Variants in OBI1 observed in about 807,000 individuals in gnomAD.
OBI1 encodes the protein ORC ubiquitin ligase 1, also known as ring finger protein 219.
In OBI1, 59 loss-of-function variants were observed where a neutral mutation model predicts 62.4. The observed-to-expected ratio is 0.95, with a 90% confidence interval of 0.77 to 1.17. The LOEUF (loss-of-function observed/expected upper bound fraction) is 1.17, where lower values mean the gene tolerates loss of function less well. OBI1 is among the 50% of genes most tolerant of loss of function. The pLI is 0.00. For synonymous variants in OBI1, 302 were observed against 292.8 expected, an observed-to-expected ratio of 1.03 and a Z score of -0.32; for missense variants, 875 against 830.9, an observed-to-expected ratio of 1.05 and a Z score of -0.65.
intron 1 of OBI1, among the ~76,000 whole-genome samples, chr13:78,651,035 G>T (rs1198468837): frequency 1.3e-5 from 2 of 152,104 alleles, no homozygotes; most frequent in Non-Finnish European, 2.9e-5. Flanking sequence ...AATATTTTAT[G>T]TATCACTAAG....
chr13:78,656,738 G>A lies in OBI1; in HGVS notation c.72+2311C>T, dbSNP rs557269759. Among the ~76,000 whole-genome samples, 22 of 122,702 alleles carry A rather than the reference G, an allele frequency of 1.8e-4. 1 individual carries two copies. The highest frequency in any genetic ancestry group is 3.9e-4 in the Non-Finnish European group (22 of 57,092). 80.5% of individuals were successfully genotyped at this position (122,702 alleles called of 152,430 possible). A position where few individuals can be genotyped will look rare whatever the true frequency, so the allele number is the denominator to read the frequency against. On this transcript the variant is annotated intron_variant, in intron 1 of 5. Transcript: ENST00000282003. ...CTGCTTCCATGGTACCTGGGGGGGGGGGGGGAGGAGCCTGTTTAAAAATCC... is the reference window on the plus strand; with the variant it reads ...CTGCTTCCATGGTACCTGGGGGGGGAGGGGGAGGAGCCTGTTTAAAAATCC...
At chr13:78,647,428 A>T (rs190398000) in intron 1 of OBI1, among the ~76,000 whole-genome samples, 1 of 152,372 alleles carries the variant, frequency 6.6e-6, no homozygotes, top group Admixed American at 6.5e-5. Context: ...TCTTTACCCC[A>T]ATGAGATGTT....
At chr13:78,636,105 T>TA (rs887388818) in intron 4 of OBI1, among the ~76,000 whole-genome samples, 78 of 149,590 alleles carry the variant, frequency 5.2e-4, no homozygotes, top group African/African-American at 1.2e-3. Flanking sequence ...GTTCTTCGAT[T>TA]AAAAAAAAAA....
chr13:78,624,613 A>C (rs946011399), intron 5 of OBI1, among the ~76,000 whole-genome samples: 6 of 152,182 alleles, frequency 3.9e-5, no homozygotes, highest in African/African-American at 1.4e-4. Flanking sequence ...ATTTGTAGTT[A>C]AAAAACTGTG....
rs751477202 is a variant in OBI1, at chr13:78,615,631, TTTTC to T, written c.2126_2129del (p.Arg709LysfsTer55). ...TGGCACTGGAAAGGCTGCTCTGGAT[TTTTC>T]TTTTTGTTGATTGATTCACATTTTT... is the stretch of plus-strand genomic sequence containing the variant. On this transcript the variant is annotated frameshift_variant, in exon 6 of 6. Transcript: ENST00000282003. LOFTEE classifies it high-confidence loss of function. 2.5e-6 allele frequency: 4 copies of T among 1,613,692 alleles called. No individual in the cohort carries two copies. Among genetic ancestry groups the T allele is most frequent in the Non-Finnish European group, 3.4e-6 (4 of 1,179,858 alleles).
At position 78,616,256 on chromosome 13, in the gene OBI1, T is replaced by C. The variant is rs1875281551; in HGVS notation, c.1505A>G (p.Lys502Arg). Residue 502 changes from lysine (K) to arginine (R), a missense_variant, in exon 6 of 6, where the codon AAA becomes AGA. Physicochemically the swap from Lys to Arg is conservative, Grantham distance 26. Transcript: ENST00000282003. The part of the protein sequence containing the change: ...VGEISSKLSE[K>R]SGLCLSKRLN... ...CCTTTTGGATAAACATAAGCCTGAT[T>C]TCTCACTCAATTTTGAAGATATTTC... 3.1e-6 allele frequency: 5 copies of C among 1,613,712 alleles called. No homozygotes were observed. Among genetic ancestry groups the C allele is most frequent in the Non-Finnish European group, 4.2e-6 (5 of 1,179,714 alleles).
intron 1 of OBI1, among the ~76,000 whole-genome samples, chr13:78,645,673 C>T (rs998177541): frequency 7.3e-5 from 11 of 150,930 alleles, no homozygotes; most frequent in Admixed American, 5.3e-4. Context: ...TTTTTTGAGA[C>T]GGAGTCTCGC....
Position 78,631,583 on chromosome 13 carries a change from A to C in OBI1, c.638+3527T>G, listed in dbSNP as rs147357142. Among the ~76,000 whole-genome samples, 505 of 152,284 alleles carry C rather than the reference A, an allele frequency of 3.3e-3. 2 individuals are homozygous for C. The highest frequency in any genetic ancestry group is 0.011 in the African/African-American group (478 of 41,570). ...AGGAGTCCAAGTTAGGGGAAACTGAAGGGCCAAACAGGTGGTTTCCTCCAG... is the reference window on the plus strand; with the variant it reads ...AGGAGTCCAAGTTAGGGGAAACTGACGGGCCAAACAGGTGGTTTCCTCCAG... On this transcript the variant is annotated intron_variant, in intron 5 of 5. Transcript: ENST00000282003.
chr13:78,637,325 AT>A (rs1431039002), intron 4 of OBI1, among the ~76,000 whole-genome samples: 1 of 152,214 alleles, frequency 6.6e-6, no homozygotes, highest in East Asian at 1.9e-4. Flanking sequence ...ACCTACTAGC[AT>A]CACTAGGCAT....
rs1295047283 is a variant in OBI1 at position 78,614,553 on chromosome 13, A to G, written c.*1027T>C. The G allele has an allele frequency of 6.5e-6, 1 of 152,674 alleles. No homozygotes were observed. Among genetic ancestry groups the G allele is most frequent in the African/African-American group, 2.4e-5 (1 of 41,454 alleles). 9.5% of individuals were successfully genotyped at this position (152,674 alleles called of 1,614,324 possible). A position where few individuals can be genotyped will look rare whatever the true frequency, so the allele number is the denominator to read the frequency against. On this transcript the variant is annotated 3_prime_UTR_variant, in exon 6 of 6. Coordinates refer to ENST00000282003, the MANE Select transcript of OBI1 (RefSeq NM_024546.4). ...TTTTGTCCTACATAAAAGATATTCTATCAGCCAACTGAAACCTCTTTTTCT... is the reference window on the plus strand; with the variant it reads ...TTTTGTCCTACATAAAAGATATTCTGTCAGCCAACTGAAACCTCTTTTTCT...
intron 5 of OBI1, among the ~76,000 whole-genome samples, chr13:78,626,186 A>C (rs1875661157): frequency 6.6e-6 from 1 of 152,206 alleles, no homozygotes; most frequent in Non-Finnish European, 1.5e-5. Flanking sequence ...TAACTTAAAG[A>C]GGAAAGCTTC....
intron 1 of OBI1, among the ~76,000 whole-genome samples, chr13:78,645,710 G>A (rs1438044697): frequency 6.6e-6 from 1 of 152,172 alleles, no homozygotes; most frequent in Admixed American, 6.5e-5. Context: ...GAGTACAGTG[G>A]CACCATCTAG....
chr13:78,655,009 A>C (rs1390845891), intron 1 of OBI1, among the ~76,000 whole-genome samples: 1 of 152,224 alleles, frequency 6.6e-6, no homozygotes, highest in Non-Finnish European at 1.5e-5. Flanking sequence ...TAGTCGAATG[A>C]GAAATAACTG....
intron 5 of OBI1, among the ~76,000 whole-genome samples, chr13:78,629,800 T>C (rs988152407): frequency 4.6e-5 from 7 of 152,128 alleles, no homozygotes; most frequent in Non-Finnish European, 8.8e-5. Context: ...CAGGCCCTTC[T>C]GCTTAGAGTA....
chr13:78,624,228 T>G (rs1460721024), intron 5 of OBI1, among the ~76,000 whole-genome samples: 1 of 152,206 alleles, frequency 6.6e-6, no homozygotes, highest in African/African-American at 2.4e-5. Context: ...CTTAGTTTTA[T>G]CACAAAACAG....
At chr13:78,623,980 T>C (rs761568117) in intron 5 of OBI1, among the ~76,000 whole-genome samples, 1 of 152,238 alleles carries the variant, frequency 6.6e-6, no homozygotes, top group Non-Finnish European at 1.5e-5. Flanking sequence ...ATATAAAGAC[T>C]AAGTTTGAAA....
In OBI1 at chr13:78,616,424, T is replaced by A; in HGVS notation, c.1337A>T (p.Asp446Val). Reference protein sequence around the residue: ...NVSNKDSSEDDISRSENEKKS... With the variant: ...NVSNKDSSEDVISRSENEKKS... ...CTTTTCATTTTCACTTCTACTTATA[T>A]CATCTTCTGAAGAATCTTTATTAGA... The change falls in exon 6 of 6, where the codon GAT becomes GTT. Residue 446 changes from aspartate (D) to valine (V), a missense_variant. Coordinates refer to ENST00000282003, the MANE Select transcript of OBI1 (RefSeq NM_024546.4). 6.2e-7 allele frequency: 1 copy of A among 1,613,242 alleles called. No individual in the cohort carries two copies. Among genetic ancestry groups the A allele is most frequent in the South Asian group, 1.1e-5 (1 of 90,764 alleles).
At chr13:78,653,699 A>G (rs1374572301) in intron 1 of OBI1, among the ~76,000 whole-genome samples, 1 of 152,162 alleles carries the variant, frequency 6.6e-6, no homozygotes, top group African/African-American at 2.4e-5. Flanking sequence ...GATGAACTTT[A>G]CCAACTGGTC....
intron 5 of OBI1, among the ~76,000 whole-genome samples, chr13:78,623,915 A>G (rs1051267954): frequency 6.6e-6 from 1 of 152,238 alleles, no homozygotes; most frequent in African/African-American, 2.4e-5. Flanking sequence ...CTTGCATGAA[A>G]GTACAGCATT....
Sources: allele counts gnomAD v4.1 joint callset (sites outside exome capture counted in the v4.1 genomes callset), GRCh38; gene constraint gnomAD v4.1.1; transcripts MANE v1.5; gene names NCBI Gene and HGNC (gene_info 2026-07-23, HGNC 2026-07-21).